SETBP1: variants seen among roughly 807,000 people sequenced by gnomAD.
SETBP1 encodes the protein SET-binding protein.
SETBP1 carries 9 observed loss-of-function variants against 101.0 expected under a neutral mutation model. The ratio of observed to expected loss-of-function variants is 0.09; its 90% CI spans 0.05 to 0.16. The LOEUF is 0.16. Ranked by LOEUF, SETBP1 falls within the 10% of genes least tolerant of loss-of-function variation. The pLI is 1.00. For missense variants in SETBP1, 1,858 were observed against 2,033.8 expected (o/e 0.91, Z 1.66); for synonymous variants, 818 against 788.5 (o/e 1.04, Z -0.63).
At chr18:44,955,749 T>G (rs2071467773) in intron 4 of SETBP1, among the ~76,000 whole-genome samples, 1 of 152,192 alleles carries the variant, frequency 6.6e-6, no homozygotes, top group Admixed American at 6.5e-5. Flanking sequence ...AGAACACAGC[T>G]CTTGGTGCCC....
Position 44,946,763 on chromosome 18 carries a change from G to A in SETBP1, c.541-3118G>A, listed in dbSNP as rs75426800. Among the ~76,000 whole-genome samples, 699 of 152,266 alleles carry A rather than the reference G, an allele frequency of 4.6e-3. 29 individuals are homozygous for A. In the East Asian group the frequency reaches 0.12, roughly 26 times the overall value. ...GTAGGCCTTAGGGATAAGATGATAA[G>A]TCTCTGACCTCAAAGTACTTATAGT... On this transcript the variant is annotated intron_variant, in intron 3 of 5. Transcript: ENST00000649279.
At chr18:44,767,268 C>A (rs1421043160) in intron 2 of SETBP1, among the ~76,000 whole-genome samples, 1 of 152,224 alleles carries the variant, frequency 6.6e-6, no homozygotes, top group East Asian at 1.9e-4. Context: ...TTATTCCTTT[C>A]CCTTCTTACT....
intron 2 of SETBP1, among the ~76,000 whole-genome samples, chr18:44,843,068 C>G (rs2072653503): frequency 6.6e-6 from 1 of 152,258 alleles, no homozygotes; most frequent in African/African-American, 2.4e-5. Flanking sequence ...TTATGCCATG[C>G]AGGCCCTAGT....
At chr18:45,048,918 G>A (rs948704212) in intron 5 of SETBP1, among the ~76,000 whole-genome samples, 1 of 137,868 alleles carries the variant, frequency 7.3e-6, no homozygotes, top group Non-Finnish European at 1.5e-5. Flanking sequence ...CTTGCAGTGA[G>A]CCGAGATTGC....
At chr18:45,040,880 C>T (rs1321365023) in intron 5 of SETBP1, among the ~76,000 whole-genome samples, 3 of 152,142 alleles carry the variant, frequency 2.0e-5, no homozygotes, top group Admixed American at 6.5e-5. Flanking sequence ...GGTCCATTTC[C>T]GGGTCTCTGG....
intron 2 of SETBP1, among the ~76,000 whole-genome samples, chr18:44,800,707 A>G (rs754467315): frequency 5.3e-5 from 8 of 152,152 alleles, no homozygotes; most frequent in Non-Finnish European, 1.2e-4. Context: ...AGGTCCAATG[A>G]ACTGATGAGA....
chr18:44,809,250 T>A (rs1283006589), intron 2 of SETBP1, among the ~76,000 whole-genome samples: 2 of 152,100 alleles, frequency 1.3e-5, no homozygotes, highest in Non-Finnish European at 2.9e-5. Context: ...GATGAAAGTT[T>A]AAAAAAATTA....
At position 45,030,692 on chromosome 18, in the gene SETBP1, T is replaced by C. The variant is rs1286278868; in HGVS notation, c.4001-7793T>C. 2.0e-5 allele frequency among the ~76,000 whole-genome samples: 3 copies of C among 149,444 alleles called. No homozygotes were observed. In the East Asian group the frequency reaches 5.8e-4, roughly 29 times the overall value. On this transcript the variant is annotated intron_variant, in intron 4 of 5. Transcript: ENST00000649279. ...TGATTATTGCCACAATTTCAGAGCC[T>C]GTTATTGGTCTATTCAGAGATTCAG...
chr18:44,885,932 G>C (rs2069637426), intron 3 of SETBP1, among the ~76,000 whole-genome samples: 1 of 148,694 alleles, frequency 6.7e-6, no homozygotes. Context: ...CCGTGTTTGA[G>C]TCTTATATTC....
chr18:44,680,264 C>T (rs2068736898), upstream of SETBP1: 1 of 148,332 alleles, frequency 6.7e-6, no homozygotes, highest in Non-Finnish European at 1.5e-5. Flanking sequence ...GGCCAGCTCG[C>T]GGCTCGCCGT....
intron 4 of SETBP1, 142 bp from the exon 5 acceptor site, chr18:45,038,343 C>A (rs2073440642): frequency 2.4e-6 from 2 of 830,514 alleles, no homozygotes; most frequent in African/African-American, 1.7e-5. Flanking sequence ...TCTCTTTTAG[C>A]ATTTTTAAAT....
intron 1 of SETBP1, among the ~76,000 whole-genome samples, chr18:44,692,390 A>C (rs191698619): frequency 6.6e-6 from 1 of 152,352 alleles, no homozygotes. Flanking sequence ...ACTAAGTGGA[A>C]AAGGGAGGCT....
At chr18:44,814,344 C>A (rs1354360360) in intron 2 of SETBP1, among the ~76,000 whole-genome samples, 1 of 152,116 alleles carries the variant, frequency 6.6e-6, no homozygotes, top group Non-Finnish European at 1.5e-5. Flanking sequence ...GGAGTTTTGG[C>A]CCAAAGAAAA....
intron 2 of SETBP1, among the ~76,000 whole-genome samples, chr18:44,850,546 T>A (rs1568179892): frequency 6.6e-6 from 1 of 152,062 alleles, no homozygotes; most frequent in South Asian, 2.1e-4. Flanking sequence ...AATTTTTGTA[T>A]TTTTAGTAGA....
intron 5 of SETBP1, among the ~76,000 whole-genome samples, chr18:45,039,637 T>A (rs1255835677): frequency 6.6e-6 from 1 of 152,246 alleles, no homozygotes; most frequent in Non-Finnish European, 1.5e-5. Context: ...TACATACATA[T>A]TTCTTGAATT....
chr18:44,811,996 G>A (rs1234808701), intron 2 of SETBP1, among the ~76,000 whole-genome samples: 1 of 152,206 alleles, frequency 6.6e-6, no homozygotes, highest in Non-Finnish European at 1.5e-5. Flanking sequence ...ATTAGCTGTA[G>A]GAGGCCCAGA....
intron 2 of SETBP1, among the ~76,000 whole-genome samples, chr18:44,770,581 T>A (rs749248106): frequency 1.3e-5 from 2 of 152,084 alleles, no homozygotes; most frequent in Non-Finnish European, 2.9e-5. Context: ...TCTCACCCTG[T>A]TTTTGTTTTT....
At chr18:44,789,306 G>T (rs1237757937) in intron 2 of SETBP1, among the ~76,000 whole-genome samples, 1 of 152,158 alleles carries the variant, frequency 6.6e-6, no homozygotes, top group Non-Finnish European at 1.5e-5. Flanking sequence ...TCTGTAAAAT[G>T]AAAGACAAAA....
chr18:45,011,306 CAAA>C (rs2072833021), intron 4 of SETBP1, among the ~76,000 whole-genome samples: 1 of 152,154 alleles, frequency 6.6e-6, no homozygotes, highest in Non-Finnish European at 1.5e-5. Context: ...AGTGATTAAA[CAAA>C]TAAACCAGCA....
Sources: allele counts gnomAD v4.1 joint callset (sites outside exome capture counted in the v4.1 genomes callset), GRCh38; gene constraint gnomAD v4.1.1; transcripts MANE v1.5; gene names NCBI Gene and HGNC (gene_info 2026-07-23, HGNC 2026-07-21).